Variants in ANKRD2 observed in about 807,000 individuals in gnomAD.
ANKRD2 encodes the protein ankyrin repeat domain 2.
In ANKRD2, 35 loss-of-function variants were observed where a neutral mutation model predicts 37.3. The observed-to-expected ratio is 0.94, with a 90% CI of 0.72 to 1.24. ANKRD2 has a LOEUF of 1.24. ANKRD2 is among the 50% of genes most tolerant of loss of function. The probability of loss-of-function intolerance (pLI) is 0.00; values close to 1 mark genes in which losing one functional copy is unlikely to be tolerated. For missense variants in ANKRD2, 410 were observed against 445.6 expected (o/e 0.92, Z 0.72); for synonymous variants, 159 against 186.5 (o/e 0.85, Z 1.20).
chr10:97,574,656 T>C (rs530766940), intron 1 of ANKRD2, among the ~76,000 whole-genome samples: 6 of 151,834 alleles, frequency 4.0e-5, no homozygotes, highest in Admixed American at 6.5e-5. Context: ...ATAAATCAGG[T>C]TGGAGGTAGA....
chr10:97,582,103 G>C (rs1293282990), intron 6 of ANKRD2, among the ~76,000 whole-genome samples: 3 of 152,198 alleles, frequency 2.0e-5, no homozygotes, highest in Admixed American at 1.3e-4. Context: ...AATCACAGAA[G>C]GCTTCCCAGA....
intron 6 of ANKRD2, 133 bp from the exon 7 acceptor site, chr10:97,582,182 C>A: frequency 1.5e-6 from 1 of 683,112 alleles, no homozygotes; most frequent in Non-Finnish European, 2.5e-6. Flanking sequence ...CCATTCTCTG[C>A]CCCTCCAAGG....
intron 1 of ANKRD2, 147 bp downstream of exon 1, chr10:97,573,022 G>A: frequency 4.6e-6 from 5 of 1,087,344 alleles, no homozygotes; most frequent in Non-Finnish European, 6.4e-6. Flanking sequence ...CTGTCCCAGG[G>A]TATTACTGGC....
At chr10:97,580,303 T>C (rs900658221) in intron 4 of ANKRD2, among the ~76,000 whole-genome samples, 3 of 152,232 alleles carry the variant, frequency 2.0e-5, no homozygotes, top group Non-Finnish European at 2.9e-5. Flanking sequence ...TATGGAAAGA[T>C]ATTGTGGCTT....
intron 1 of ANKRD2, among the ~76,000 whole-genome samples, chr10:97,573,243 A>G (rs1202819662): frequency 2.0e-5 from 3 of 152,190 alleles, no homozygotes; most frequent in Non-Finnish European, 4.4e-5. Flanking sequence ...AGGCTGGGGC[A>G]GGGGAAACTC....
chr10:97,579,553 A>G (rs547832162), intron 4 of ANKRD2, among the ~76,000 whole-genome samples: 4 of 151,316 alleles, frequency 2.6e-5, no homozygotes, highest in Admixed American at 2.6e-4. Flanking sequence ...CATTAATTAC[A>G]TTCACAATGT....
At chr10:97,578,144 G>GGCCCCCCCCCCCCA in intron 2 of ANKRD2, 96 bp from the exon 3 acceptor site, 3 of 685,428 alleles carry the variant, frequency 4.4e-6, no homozygotes, top group Non-Finnish European at 7.5e-6. Context: ...GGGTCTTCCT[G>GGCCCCCCCCCCCCA]CCCACCCCAC....
chr10:97,576,543 GA>G (rs569337679), intron 1 of ANKRD2, among the ~76,000 whole-genome samples: 4 of 147,318 alleles, frequency 2.7e-5, no homozygotes, highest in Admixed American at 6.8e-5. Flanking sequence ...AAATCTGAGA[GA>G]AAAAAAAAAT....
intron 1 of ANKRD2, among the ~76,000 whole-genome samples, chr10:97,573,183 T>C (rs886139469): frequency 2.0e-5 from 3 of 152,154 alleles, no homozygotes; most frequent in Non-Finnish European, 4.4e-5. Flanking sequence ...GGGTGCTGCC[T>C]GGGACTTTCA....
intron 4 of ANKRD2, among the ~76,000 whole-genome samples, chr10:97,579,725 T>C (rs1006754490): frequency 3.3e-4 from 50 of 152,104 alleles, no homozygotes; most frequent in African/African-American, 1.1e-3. Context: ...GTAGCTGGGA[T>C]TACAGGCGCC....
At chr10:97,574,214 C>T (rs905231133) in intron 1 of ANKRD2, among the ~76,000 whole-genome samples, 5 of 150,248 alleles carry the variant, frequency 3.3e-5, no homozygotes, top group Admixed American at 6.7e-5. Flanking sequence ...ACCTGGGAGG[C>T]GGAGGTTGCA....
Position 97,583,693 on chromosome 10 carries a change from C to T in ANKRD2, c.970C>T (p.Arg324Ter), listed in dbSNP as rs750967203. Residue 324 changes from arginine (R) to a stop codon, truncating the protein, a stop_gained, in exon 9 of 9, where the codon CGA (arginine) becomes TGA (stop). Transcript: ENST00000370655. LOFTEE classifies it high-confidence loss of function. The stretch of plus-strand genomic sequence containing the variant: ...GCTGGAGGGGCCTAATGATAGTGGG[C>T]GAGAGACCCCTCAGCCTGTGCCAGC... ...NGLEGPNDSG[R>*]ETPQPVPAQ The T allele has an allele frequency of 1.2e-5, 19 of 1,589,494 alleles. No individual in the cohort carries two copies. The highest frequency in any genetic ancestry group is 9.5e-5 in the African/African-American group (7 of 73,370).
At position 97,583,779 on chromosome 10, in the gene ANKRD2, G is replaced by C; in HGVS notation, c.*54G>C. 6.9e-7 allele frequency: 1 copy of C among 1,453,252 alleles called. No homozygotes were observed. Among genetic ancestry groups the C allele is most frequent in the Non-Finnish European group, 9.1e-7 (1 of 1,104,204 alleles). The allele number at this position is 1,453,252 out of a possible 1,614,324, so 90.0% of individuals were successfully genotyped here. A position where few individuals can be genotyped will look rare whatever the true frequency, so the allele number is the denominator to read the frequency against. ...AGCCCCTCTCTGTGTGCAGCCGGAG[G>C]GTCCTAAGAATGGCTCCCGGAGCTA... On this transcript the variant is annotated 3_prime_UTR_variant, in exon 9 of 9. Coordinates refer to ENST00000370655, the MANE Select transcript of ANKRD2 (RefSeq NM_001346793.2).
intron 1 of ANKRD2, among the ~76,000 whole-genome samples, chr10:97,576,858 G>A (rs2040833148): frequency 6.6e-6 from 1 of 151,786 alleles, no homozygotes; most frequent in African/African-American, 2.4e-5. Context: ...CAACACGCCT[G>A]GCTAATTTTT....
At chr10:97,572,613 C>G (rs2040771647), upstream of ANKRD2, 1 of 1,443,060 alleles carries the variant, frequency 6.9e-7, no homozygotes, top group East Asian at 2.5e-5. Context: ...GCAACTGGCT[C>G]TGCTCCCTGG....
In ANKRD2 at chr10:97,577,606, A is replaced by G. The variant is rs558519538; in HGVS notation, c.88-194A>G. Among the ~76,000 whole-genome samples, 3 of 152,278 alleles carry G rather than the reference A, an allele frequency of 2.0e-5. No individual in the cohort carries two copies. In the South Asian group the frequency reaches 6.2e-4, roughly 32 times the overall value. ...AGCTCAGGGTTGGGACTGGGGCTGA[A>G]GCTGAGGTGGGGAACTCACCCCTTT... On this transcript the variant is annotated intron_variant, in intron 1 of 8. Transcript: ENST00000370655.
rs1337411215 is a variant in ANKRD2, at chr10:97,581,388, G to A, written c.628G>A (p.Gly210Arg). 3.1e-6 allele frequency: 5 copies of A among 1,614,202 alleles called. No individual in the cohort carries two copies. The East Asian group carries it at 8.9e-5, about 29-fold the overall frequency. The change falls in exon 6 of 9, where the codon GGA (glycine) becomes AGA (arginine). Residue 210 changes from glycine to arginine, a missense_variant. Transcript: ENST00000370655. The stretch of plus-strand genomic sequence containing the variant: ...GGTGGTGAAACTTCTGCAAAGCCAT[G>A]GAGCAGACACCAATGTGAGGGATAA... ...LEVVKLLQSH[G>R]ADTNVRDKLL...
intron 2 of ANKRD2, 83 bp from the exon 3 acceptor site, chr10:97,578,148 ACCCCACCCT>A: frequency 4.4e-6 from 1 of 227,696 alleles, no homozygotes; most frequent in Non-Finnish European, 8.3e-6. Context: ...CTTCCTGCCC[ACCCCACCCT>A]CCCCACCAGC....
intron 2 of ANKRD2, 68 bp downstream of exon 2, chr10:97,577,969 T>C: frequency 1.4e-6 from 2 of 1,424,236 alleles, no homozygotes; most frequent in South Asian, 2.7e-5. Context: ...TGTCTGCACC[T>C]CTCCCCACGT....
Sources: allele counts gnomAD v4.1 joint callset (sites outside exome capture counted in the v4.1 genomes callset), GRCh38; gene constraint gnomAD v4.1.1; transcripts MANE v1.5; gene names NCBI Gene and HGNC (gene_info 2026-07-23, HGNC 2026-07-21).